ZNF365: variants seen among roughly 807,000 people sequenced by gnomAD.
ZNF365 encodes the protein protein ZNF365.
In ZNF365, 22 loss-of-function variants were observed where a neutral mutation model predicts 35.0. That is an observed-to-expected ratio of 0.63 (90% CI 0.45 to 0.90). The LOEUF (loss-of-function observed/expected upper bound fraction) is 0.90. ZNF365 is among the 40% of genes least tolerant of loss of function. The pLI is 0.00. For synonymous variants in ZNF365, 188 were observed against 196.2 expected (o/e 0.96, Z 0.35); for missense variants, 448 against 500.3 (o/e 0.90, Z 1.00).
At chr10:62,421,515 A>T (rs1840168278) in intron 3 of ZNF365, among the ~76,000 whole-genome samples, 1 of 152,180 alleles carries the variant, frequency 6.6e-6, no homozygotes, top group Non-Finnish European at 1.5e-5. Context: ...AGTCCGTATC[A>T]CGTAAAGCCA....
At chr10:62,430,129 A>T (rs1840311095) in intron 3 of ZNF365, among the ~76,000 whole-genome samples, 1 of 152,148 alleles carries the variant, frequency 6.6e-6, no homozygotes, top group Non-Finnish European at 1.5e-5. Context: ...ACATCCTTGT[A>T]CCTAAATCTA....
At chr10:62,397,393 T>A (rs1839747296) in intron 3 of ZNF365, among the ~76,000 whole-genome samples, 1 of 152,232 alleles carries the variant, frequency 6.6e-6, no homozygotes, top group Non-Finnish European at 1.5e-5. Flanking sequence ...ACATATATCT[T>A]GGCCACACTG....
At chr10:62,448,558 T>C (rs1339563550) in intron 3 of ZNF365, among the ~76,000 whole-genome samples, 2 of 152,206 alleles carry the variant, frequency 1.3e-5, no homozygotes, top group Non-Finnish European at 2.9e-5. Flanking sequence ...AGTGTTTTTT[T>C]ACTTGCACCC....
intron 4 of ZNF365, chr10:62,459,806 A>G: frequency 6.2e-7 from 1 of 1,605,442 alleles, no homozygotes; most frequent in Non-Finnish European, 8.5e-7. Flanking sequence ...AGGTAAAGCC[A>G]CCACCTGGGT....
At chr10:62,391,346 T>G (rs1262419057) in intron 3 of ZNF365, among the ~76,000 whole-genome samples, 3 of 152,172 alleles carry the variant, frequency 2.0e-5, no homozygotes, top group African/African-American at 7.2e-5. Flanking sequence ...CAGTGTACAC[T>G]GTACCCAGTT....
rs899315447 is a variant in ZNF365, at chr10:62,402,073, C to A, written c.*2284C>A. ...AACATACCATGGCCTGAGCTAAGTA[C>A]CATGTCCTGTTTGTGTCTTATTTTT... is the stretch of plus-strand genomic sequence containing the variant. On this transcript the variant is annotated 3_prime_UTR_variant, in exon 5 of 5. Coordinates refer to ENST00000395254, the MANE Select transcript of ZNF365 (RefSeq NM_014951.3). The A allele has an allele frequency of 2.0e-6, 2 of 985,656 alleles. No homozygotes were observed. The highest frequency in any genetic ancestry group is 3.5e-5 in the African/African-American group (2 of 57,204). The allele number at this position is 985,656 out of a possible 1,614,324, so 61.1% of individuals were successfully genotyped here. A position where few individuals can be genotyped will look rare whatever the true frequency, so the allele number is the denominator to read the frequency against.
intron 3 of ZNF365, among the ~76,000 whole-genome samples, chr10:62,424,423 G>A (rs75397067): frequency 0.019 from 2,870 of 152,228 alleles, 79 homozygotes; most frequent in African/African-American, 0.065. Flanking sequence ...TCCCTCCTAT[G>A]CATCTAAAGT....
At chr10:62,464,680 C>A (rs192451428) in intron 4 of ZNF365, among the ~76,000 whole-genome samples, 2 of 152,358 alleles carry the variant, frequency 1.3e-5, no homozygotes, top group Admixed American at 1.3e-4. Flanking sequence ...TTTTCTTCCA[C>A]AAACTCCAGA....
At chr10:62,381,007 G>A (rs1448194816) in intron 2 of ZNF365, among the ~76,000 whole-genome samples, 2 of 152,172 alleles carry the variant, frequency 1.3e-5, no homozygotes, top group Non-Finnish European at 1.5e-5. Flanking sequence ...AACATAAAAT[G>A]CTTGCTGTCT....
rs113038158 is a variant in ZNF365, at chr10:62,380,659, A to G, written c.743+3723A>G. Among the ~76,000 whole-genome samples, 750 of 152,308 alleles carry G rather than the reference A, an allele frequency of 4.9e-3. 5 individuals are homozygous for G. Among genetic ancestry groups the G allele is most frequent in the African/African-American group, 0.017 (718 of 41,566 alleles). ...TCTGTAGGTTTTGGAGTGCAAACCC[A>G]AGAAAGAAGTTGCTCATTGTCTTGA... On this transcript the variant is annotated intron_variant, in intron 2 of 4. Transcript: ENST00000395254.
At chr10:62,479,738 C>CA (rs1311110807) in intron 4 of ZNF365, 5 of 642,116 alleles carry the variant, frequency 7.8e-6, no homozygotes, top group Non-Finnish European at 1.4e-5. Context: ...CATAGTTTGG[C>CA]AGCACATAAG....
intron 3 of ZNF365, among the ~76,000 whole-genome samples, chr10:62,411,046 CAT>C (rs1302085792): frequency 4.6e-5 from 7 of 152,158 alleles, no homozygotes; most frequent in African/African-American, 1.7e-4. Flanking sequence ...AACTTTGTTT[CAT>C]ATGTTTGTCA....
intron 2 of ZNF365, among the ~76,000 whole-genome samples, chr10:62,377,828 T>A (rs1164799818): frequency 6.6e-6 from 1 of 152,216 alleles, no homozygotes; most frequent in Non-Finnish European, 1.5e-5. Flanking sequence ...ATTGATGGAG[T>A]AAAACATCCT....
intron 3 of ZNF365, among the ~76,000 whole-genome samples, chr10:62,444,946 C>G (rs1164725459): frequency 6.6e-6 from 1 of 151,570 alleles, no homozygotes; most frequent in African/African-American, 2.4e-5. Context: ...CCACAACAGT[C>G]CCCAGAGTGT....
chr10:62,407,207 G>T (rs1029201672), downstream of ZNF365, among the ~76,000 whole-genome samples: 1 of 152,198 alleles, frequency 6.6e-6, no homozygotes, highest in African/African-American at 2.4e-5. Flanking sequence ...TGGCAGCACT[G>T]TCAGTGTTTG....
chr10:62,420,525 T>C (rs1027385227), intron 3 of ZNF365, among the ~76,000 whole-genome samples: 2 of 152,182 alleles, frequency 1.3e-5, no homozygotes, highest in African/African-American at 2.4e-5. Flanking sequence ...TTTTTTCACA[T>C]TGTAATTGGC....
intron 3 of ZNF365, among the ~76,000 whole-genome samples, chr10:62,446,623 A>G (rs1840593798): frequency 6.6e-6 from 1 of 152,128 alleles, no homozygotes; most frequent in Non-Finnish European, 1.5e-5. Context: ...TTATCATAAT[A>G]TAATTTGAAA....
At chr10:62,377,308 A>C (rs1873688) in intron 2 of ZNF365, among the ~76,000 whole-genome samples, 147,547 of 152,304 alleles carry the variant, frequency 0.97, 71,650 homozygotes, top group East Asian at 1. Flanking sequence ...TGAGCTGTTC[A>C]TTCTTGACAG....
intron 3 of ZNF365, among the ~76,000 whole-genome samples, chr10:62,440,099 C>T (rs557103568): frequency 2.0e-5 from 3 of 152,160 alleles, no homozygotes; most frequent in South Asian, 4.2e-4. Context: ...ACAAAATGCA[C>T]GTATGTCAGA....
Sources: gnomAD v4.1 joint callset for allele counts (sites outside exome capture counted in the v4.1 genomes callset) on GRCh38, gnomAD v4.1.1 for gene constraint, MANE v1.5 for transcripts, NCBI Gene and HGNC (gene_info 2026-07-23, HGNC 2026-07-21) for gene names.